Variants in ZNF407 observed in about 807,000 individuals in gnomAD.
The protein encoded by ZNF407 is zinc finger protein 407.
Under a neutral mutation model 131.2 loss-of-function variants are expected in ZNF407, and 17 were observed. The observed-to-expected ratio is 0.13, with a 90% CI of 0.09 to 0.19. The LOEUF is 0.19. Among genes scored for constraint, ZNF407 ranks in the 10% least tolerant of loss-of-function variants. The pLI is 1.00. For missense variants in ZNF407, 2,681 were observed against 2,830.6 expected (o/e 0.95, Z 1.20); for synonymous variants, 1,156 against 1,062.0 (o/e 1.09, Z -1.72).
chr18:75,045,441 C>T (rs1467608738), intron 8 of ZNF407, among the ~76,000 whole-genome samples: 1 of 152,122 alleles, frequency 6.6e-6, no homozygotes, highest in South Asian at 2.1e-4. Context: ...GCCTCCTGCA[C>T]GTAGGCCCAC....
chr18:74,783,811 C>G (rs559045099), intron 4 of ZNF407, among the ~76,000 whole-genome samples: 39 of 152,300 alleles, frequency 2.6e-4, no homozygotes, highest in Admixed American at 2.5e-3. Context: ...CAACATTCTT[C>G]TAAACCAAAC....
At chr18:74,972,385 C>T (rs1053838655) in intron 8 of ZNF407, among the ~76,000 whole-genome samples, 1 of 152,230 alleles carries the variant, frequency 6.6e-6, no homozygotes, top group African/African-American at 2.4e-5. Flanking sequence ...TCCCCACTCC[C>T]TTTCCCCTCT....
intron 8 of ZNF407, among the ~76,000 whole-genome samples, chr18:75,057,613 C>T (rs1973575829): frequency 6.6e-6 from 1 of 152,172 alleles, no homozygotes; most frequent in Non-Finnish European, 1.5e-5. Flanking sequence ...CCTACAGTGT[C>T]ATACACCAGT....
At chr18:74,856,383 C>G (rs1970859464) in intron 4 of ZNF407, among the ~76,000 whole-genome samples, 1 of 152,128 alleles carries the variant, frequency 6.6e-6, no homozygotes, top group African/African-American at 2.4e-5. Flanking sequence ...CTATAAATTC[C>G]TGTGAAACAT....
At chr18:74,666,331 G>A (rs1985929298) in intron 3 of ZNF407, among the ~76,000 whole-genome samples, 1 of 152,184 alleles carries the variant, frequency 6.6e-6, no homozygotes, top group Admixed American at 6.5e-5. Flanking sequence ...AGACAGGCCG[G>A]GGACAGAGAA....
intron 7 of ZNF407, among the ~76,000 whole-genome samples, chr18:74,916,803 T>C (rs955781925): frequency 4.7e-5 from 7 of 148,624 alleles, no homozygotes; most frequent in Non-Finnish European, 8.9e-5. Flanking sequence ...TGTGTGTGTG[T>C]GCATGTGTGT....
chr18:74,752,944 G>A, intron 3 of ZNF407, among the ~76,000 whole-genome samples: 1 of 152,162 alleles, frequency 6.6e-6, no homozygotes, highest in Non-Finnish European at 1.5e-5. Context: ...GGATGGCATT[G>A]AATCTATAAA....
intron 3 of ZNF407, among the ~76,000 whole-genome samples, chr18:74,675,117 T>C (rs1233174366): frequency 1.3e-5 from 2 of 152,256 alleles, no homozygotes; most frequent in Non-Finnish European, 2.9e-5. Flanking sequence ...ACTACTCTGT[T>C]GGCCTTATCT....
At chr18:74,712,761 G>T (rs1362653972) in intron 3 of ZNF407, among the ~76,000 whole-genome samples, 1 of 152,174 alleles carries the variant, frequency 6.6e-6, no homozygotes, top group African/African-American at 2.4e-5. Context: ...GTATGAATTT[G>T]TAGAAGCATT....
chr18:74,942,706 G>A (rs962621805), intron 8 of ZNF407, among the ~76,000 whole-genome samples: 1 of 152,124 alleles, frequency 6.6e-6, no homozygotes, highest in Non-Finnish European at 1.5e-5. Context: ...CCCATCTGGG[G>A]CGCTTCCTCT....
chr18:75,048,076 T>A lies in ZNF407; in HGVS notation c.5429-15074T>A, dbSNP rs1048552548. Among the ~76,000 whole-genome samples the A allele has an allele frequency of 2.6e-5, 4 of 152,212 alleles. No individual in the cohort carries two copies. Among genetic ancestry groups the A allele is most frequent in the Non-Finnish European group, 1.5e-5 (1 of 68,042 alleles). ...AGAATATGGCACGTGTTGGTATTCA[T>A]AACTCGTTAACCACGTGCTCAAGAG... On this transcript the variant is annotated intron_variant, in intron 8 of 8. Coordinates refer to ENST00000299687, the MANE Select transcript of ZNF407 (RefSeq NM_017757.3). This position sits in a 1 kb window ranked among gnomAD's most constrained non-coding sequence, Gnocchi z 4.1.
chr18:74,608,879 T>A (rs1012437169), intron 1 of ZNF407, among the ~76,000 whole-genome samples: 17 of 152,208 alleles, frequency 1.1e-4, no homozygotes, highest in African/African-American at 3.9e-4. Flanking sequence ...AACGTGAACT[T>A]TGATCTCTTG....
chr18:74,717,088 T>C (rs914057035), intron 3 of ZNF407, among the ~76,000 whole-genome samples: 5 of 152,230 alleles, frequency 3.3e-5, no homozygotes, highest in Admixed American at 2.6e-4. Context: ...TATATGTGTA[T>C]GTATGTGTAC....
chr18:74,923,160 G>C (rs1971868925), intron 8 of ZNF407, among the ~76,000 whole-genome samples: 1 of 152,034 alleles, frequency 6.6e-6, no homozygotes, highest in African/African-American at 2.4e-5. Flanking sequence ...TCCAGAGCAT[G>C]AAAGACTATA....
chr18:75,040,022 C>T (rs1015102787), intron 8 of ZNF407, among the ~76,000 whole-genome samples: 1 of 152,144 alleles, frequency 6.6e-6, no homozygotes, highest in Non-Finnish European at 1.5e-5. Flanking sequence ...GTTGGTCTCT[C>T]TCTCTGGTTC....
Position 74,630,980 on chromosome 18 carries a change from G to A in ZNF407, c.-40G>A, listed in dbSNP as rs759727276. The A allele has an allele frequency of 1.3e-6, 2 of 1,549,454 alleles. No individual in the cohort carries two copies. Among genetic ancestry groups the A allele is most frequent in the Admixed American group, 2.0e-5 (1 of 49,776 alleles). On this transcript the variant is annotated 5_prime_UTR_variant, in exon 2 of 9. The change creates a new upstream start codon in the 5' untranslated region. Coordinates refer to ENST00000299687, the MANE Select transcript of ZNF407 (RefSeq NM_017757.3). ...TTTACTTCACAGGTTATGAGTGCCAGTGAGCCGCCTTAGATAGAAGCATCG... is the reference window on the plus strand; with the variant it reads ...TTTACTTCACAGGTTATGAGTGCCAATGAGCCGCCTTAGATAGAAGCATCG...
chr18:74,682,523 G>C, intron 3 of ZNF407, among the ~76,000 whole-genome samples: 1 of 152,194 alleles, frequency 6.6e-6, no homozygotes, highest in Admixed American at 6.5e-5. Context: ...TTCTAGGCTA[G>C]TTTAGTTTTC....
intron 8 of ZNF407, among the ~76,000 whole-genome samples, chr18:74,981,390 C>G (rs1176594324): frequency 6.6e-6 from 1 of 152,170 alleles, no homozygotes; most frequent in Non-Finnish European, 1.5e-5. Context: ...GCTCATAACT[C>G]AATATCACTC....
Position 74,635,695 on chromosome 18 carries a change from G to A in ZNF407, c.4676G>A (p.Arg1559His). The change falls in exon 2 of 9, where the codon CGC (arginine) becomes CAC (histidine). Residue 1559 changes from arginine (R) to histidine (H), a missense_variant. Transcript: ENST00000299687. This position sits in a 1 kb window ranked among gnomAD's most constrained non-coding sequence, Gnocchi z 4.7. Reference sequence around the variant, plus strand: ...TCGATGGCCTTCCTGGCACACATTCGCACTCACACAGGTATGTAGCTCTGC... The same window carrying A: ...TCGATGGCCTTCCTGGCACACATTCACACTCACACAGGTATGTAGCTCTGC... ...SNSMAFLAHI[R>H]THTGSKPFKC... 1 of 1,587,670 alleles carries A rather than the reference G, an allele frequency of 6.3e-7. No individual in the cohort carries two copies. Among genetic ancestry groups the A allele is most frequent in the Non-Finnish European group, 8.6e-7 (1 of 1,166,446 alleles).
Sources: allele counts gnomAD v4.1 joint callset (sites outside exome capture counted in the v4.1 genomes callset), GRCh38; gene constraint gnomAD v4.1.1; non-coding constraint Gnocchi (gnomAD v3.1); transcripts MANE v1.5; gene names NCBI Gene and HGNC (gene_info 2026-07-23, HGNC 2026-07-21).